The following CCNYL1 variants were observed in gnomAD, a reference collection of about 807,000 sequenced individuals.
CCNYL1 encodes cyclin-Y-like protein 1.
A neutral mutation model predicts 44.2 loss-of-function variants in CCNYL1; 16 were observed. That is an observed-to-expected ratio of 0.36 (90% CI 0.25 to 0.55). CCNYL1 has a LOEUF of 0.55. CCNYL1 is among the 20% of genes least tolerant of loss of function. The probability of loss-of-function intolerance (pLI) is 0.85; values close to 1 mark genes in which losing one functional copy is unlikely to be tolerated. For synonymous variants in CCNYL1, 159 were observed against 163.2 expected (o/e 0.97, Z 0.20); for missense variants, 348 against 451.8 (o/e 0.77, Z 2.08).
intron 1 of CCNYL1, among the ~76,000 whole-genome samples, chr2:207,721,119 C>T (rs537934564): frequency 1.3e-5 from 2 of 152,146 alleles, no homozygotes; most frequent in East Asian, 1.9e-4. Flanking sequence ...TGTTATGGAC[C>T]GTAAGACTAA....
At chr2:207,741,874 G>A (rs1337986747) in intron 6 of CCNYL1, among the ~76,000 whole-genome samples, 2 of 150,184 alleles carry the variant, frequency 1.3e-5, no homozygotes, top group East Asian at 3.9e-4. Flanking sequence ...ACTTAGGCCG[G>A]GCGTGGTGTC....
At chr2:207,739,418 TG>T (rs1432903741) in intron 5 of CCNYL1, among the ~76,000 whole-genome samples, 1 of 151,934 alleles carries the variant, frequency 6.6e-6, no homozygotes, top group Non-Finnish European at 1.5e-5. Flanking sequence ...TTAGTAGAGA[TG>T]GGGTTTCACC....
intron 1 of CCNYL1, among the ~76,000 whole-genome samples, chr2:207,712,535 G>C (rs1170354527): frequency 6.6e-6 from 1 of 152,082 alleles, no homozygotes; most frequent in East Asian, 1.9e-4. Context: ...TGGTACCTAA[G>C]TGAAGGAACC....
chr2:207,737,362 A>C (rs1268541923), intron 4 of CCNYL1, 49 bp from the exon 5 acceptor site: 1 of 1,443,828 alleles, frequency 6.9e-7, no homozygotes, highest in African/African-American at 1.4e-5. Flanking sequence ...TTCAGGCCTA[A>C]CAAATGTTTA....
intron 7 of CCNYL1, among the ~76,000 whole-genome samples, chr2:207,745,938 A>G (rs2091852013): frequency 6.6e-6 from 1 of 152,220 alleles, no homozygotes; most frequent in Admixed American, 6.5e-5. Flanking sequence ...TTTTGTCTTG[A>G]TACAGAGTTC....
intron 3 of CCNYL1, among the ~76,000 whole-genome samples, chr2:207,731,461 T>C (rs1211961657): frequency 6.6e-6 from 1 of 152,196 alleles, no homozygotes; most frequent in Non-Finnish European, 1.5e-5. Context: ...TGTCCCTATT[T>C]TGTGACTACC....
rs923329768 is a variant in CCNYL1 at position 207,712,174 on chromosome 2, C to T, written c.220+58C>T. 1.2e-5 allele frequency: 18 copies of T among 1,467,692 alleles called. No homozygotes were observed. The African/African-American group carries it at 2.3e-4, about 19-fold the overall frequency. The allele number at this position is 1,467,692 out of a possible 1,614,324, so 90.9% of individuals were successfully genotyped here. On this transcript the variant is annotated intron_variant, in intron 1 of 9. Coordinates refer to ENST00000295414, the MANE Select transcript of CCNYL1 (RefSeq NM_001330218.2). ...GCTCACCTCTGCCCGCCTCCTCCCC[C>T]AGAGTCCCCCGGGAGGCATCCGCCG...
rs2091683776 is a variant in CCNYL1, at chr2:207,726,846, A to G, written c.300A>G (p.Arg100=). 1 of 1,568,308 alleles carries G rather than the reference A, an allele frequency of 6.4e-7. No individual in the cohort carries two copies. The part of the protein sequence containing the change: ...IFLSKSQTDV[R]EKRKSNHLNH... Reference sequence around the variant, plus strand: ...GCTAATTTTTTTTATTCTTAGTGCGAGAAAAGAGGAAGAGCAACCATTTGA... The same window carrying G: ...GCTAATTTTTTTTATTCTTAGTGCGGGAAAAGAGGAAGAGCAACCATTTGA... Residue 100 remains arginine (R), a synonymous_variant, in exon 3 of 10, where the codon CGA becomes CGG. Transcript: ENST00000295414.
chr2:207,725,900 A>C (rs2091676900), intron 2 of CCNYL1, among the ~76,000 whole-genome samples: 1 of 152,274 alleles, frequency 6.6e-6, no homozygotes, highest in Non-Finnish European at 1.5e-5. Context: ...CAACAGCAAG[A>C]ATACAAGAAG....
intron 3 of CCNYL1, among the ~76,000 whole-genome samples, chr2:207,732,325 CT>C (rs2091734665): frequency 6.6e-6 from 1 of 152,102 alleles, no homozygotes; most frequent in Admixed American, 6.6e-5. Context: ...AATAGTAATA[CT>C]TTTTAAAAAT....
chr2:207,751,460 C>G (rs1206032049), intron 9 of CCNYL1, among the ~76,000 whole-genome samples: 1 of 152,206 alleles, frequency 6.6e-6, no homozygotes, highest in African/African-American at 2.4e-5. Flanking sequence ...TGGCTCATGT[C>G]TGTAATCCCA....
intron 1 of CCNYL1, among the ~76,000 whole-genome samples, chr2:207,722,806 A>G (rs1485573429): frequency 2.0e-5 from 3 of 152,058 alleles, no homozygotes; most frequent in Non-Finnish European, 4.4e-5. Context: ...TAAAAATACA[A>G]AAATTAGCCG....
At chr2:207,749,658 T>C (rs2091878169) in intron 8 of CCNYL1, among the ~76,000 whole-genome samples, 1 of 152,206 alleles carries the variant, frequency 6.6e-6, no homozygotes, top group Non-Finnish European at 1.5e-5. Flanking sequence ...GTGAAGTGCA[T>C]TTATTGCTGT....
chr2:207,717,500 A>G (rs1269333469), intron 1 of CCNYL1, among the ~76,000 whole-genome samples: 1 of 152,192 alleles, frequency 6.6e-6, no homozygotes, highest in Non-Finnish European at 1.5e-5. Context: ...GGGATAGATA[A>G]TACATGAATA....
chr2:207,753,057 G>A (rs1032193765), intron 9 of CCNYL1, among the ~76,000 whole-genome samples: 1 of 151,788 alleles, frequency 6.6e-6, no homozygotes, highest in African/African-American at 2.4e-5. Context: ...ATAATAATAT[G>A]TATTTCTACC....
chr2:207,740,489 TC>T (rs2091800239), intron 5 of CCNYL1, among the ~76,000 whole-genome samples, 165 bp from the exon 6 acceptor site: 1 of 152,156 alleles, frequency 6.6e-6, no homozygotes. Context: ...GGTCAGGAAA[TC>T]CTCTGAAGGC....
chr2:207,742,206 A>T lies in CCNYL1; in HGVS notation c.520-17A>T. 6.3e-7 allele frequency: 1 copy of T among 1,591,172 alleles called. No individual in the cohort carries two copies. The highest frequency in any genetic ancestry group is 8.5e-7 in the Non-Finnish European group (1 of 1,173,380). The stretch of plus-strand genomic sequence containing the variant: ...TTTCTTCAGTGGATACTAACATTGC[A>T]TCTTTTCTTCTTTCAGCGAGAAAAA... On this transcript the variant is annotated splice_polypyrimidine_tract_variant and intron_variant, in intron 6 of 9. Transcript: ENST00000295414.
At chr2:207,712,960 C>T (rs1055285724) in intron 1 of CCNYL1, among the ~76,000 whole-genome samples, 1 of 152,160 alleles carries the variant, frequency 6.6e-6, no homozygotes, top group African/African-American at 2.4e-5. Flanking sequence ...GGATTACAGG[C>T]GTGCGCCACC....
chr2:207,726,930 T>A, intron 3 of CCNYL1, 54 bp downstream of exon 3: 1 of 1,285,804 alleles, frequency 7.8e-7, no homozygotes, highest in Non-Finnish European at 1.1e-6. Flanking sequence ...AAAGTATGTC[T>A]GTCATGATTC....
Sources: allele counts gnomAD v4.1 joint callset (sites outside exome capture counted in the v4.1 genomes callset), GRCh38; gene constraint gnomAD v4.1.1; transcripts MANE v1.5; gene names NCBI Gene and HGNC (gene_info 2026-07-23, HGNC 2026-07-21).